The following EDA variants were observed in gnomAD, a reference collection of about 807,000 sequenced individuals.
The protein encoded by EDA is ectodysplasin-A.
A neutral mutation model predicts 23.6 loss-of-function variants in EDA; 2 were observed. The observed-to-expected ratio is 0.08, with a 90% CI of 0.03 to 0.27. The LOEUF is 0.27. EDA is among the 10% of genes least tolerant of loss of function. The pLI, the probability that EDA is intolerant of heterozygous loss-of-function variation, is 1.00. For missense variants in EDA, 229 were observed against 324.2 expected (o/e 0.71, Z 2.26); for synonymous variants, 131 against 132.0 (o/e 0.99, Z 0.05).
At chrX:69,838,023 C>T (rs945991767) in intron 1 of EDA, among the ~76,000 whole-genome samples, 1 of 112,287 alleles carries the variant, frequency 8.9e-6, no homozygotes, top group African/African-American at 3.2e-5. Context: ...CTTTTCTCTG[C>T]CACGATGTCT....
chrX:70,015,111 T>G (rs753290335), intron 2 of EDA, among the ~76,000 whole-genome samples: 1 of 111,247 alleles, frequency 9.0e-6, no homozygotes, highest in East Asian at 2.8e-4. Context: ...CCAAGACACA[T>G]AGTCATCAGA....
chrX:69,651,776 A>C (rs1933114652), intron 1 of EDA, among the ~76,000 whole-genome samples: 1 of 110,870 alleles, frequency 9.0e-6, no homozygotes, highest in Admixed American at 9.7e-5. Flanking sequence ...AAAAATATAA[A>C]GTCTTTGAAA....
At chrX:69,632,779 G>A (rs1312941437) in intron 1 of EDA, among the ~76,000 whole-genome samples, 1 of 111,969 alleles carries the variant, frequency 8.9e-6, no homozygotes, top group Non-Finnish European at 1.9e-5. Flanking sequence ...TGTCTCCATA[G>A]AGGAAATGTG....
intron 1 of EDA, among the ~76,000 whole-genome samples, chrX:69,724,784 A>C (rs1024413056): frequency 3.6e-5 from 4 of 112,206 alleles, no homozygotes; most frequent in Non-Finnish European, 5.6e-5. Flanking sequence ...CTAGGCATTT[A>C]ATGTACTGTT....
At chrX:69,618,072 G>A (rs376397427) in intron 1 of EDA, among the ~76,000 whole-genome samples, 1 of 111,710 alleles carries the variant, frequency 9.0e-6, no homozygotes, top group African/African-American at 3.3e-5. Flanking sequence ...GTAGCTAAAC[G>A]ATAATTAACT....
intron 2 of EDA, among the ~76,000 whole-genome samples, chrX:70,006,861 G>T (rs188602628): frequency 4.1e-4 from 45 of 110,872 alleles, no homozygotes; most frequent in African/African-American, 1.5e-3. Context: ...AGGTCATCTA[G>T]ATTTCTCCTA....
At position 69,860,998 on chromosome X, in the gene EDA, A is replaced by G. The variant is rs1031788527; in HGVS notation, c.397-96029A>G. On this transcript the variant is annotated intron_variant, in intron 1 of 7. Coordinates refer to ENST00000374552, the MANE Select transcript of EDA (RefSeq NM_001399.5). ...ATCTAGTCAGCCATCTTCAATAATA[A>G]CTGTTAAATGAACATTTATATCCAC... 2.6e-5 allele frequency: 13 copies of G among 505,941 alleles called. 1 individual carries two copies. The South Asian group carries it at 3.2e-4, about 13-fold the overall frequency. 41.7% of individuals were successfully genotyped at this position (505,941 alleles called of 1,213,427 possible).
rs35090201 is a variant in EDA at position 69,667,119 on chromosome X, C to CTT, written c.396+50430_396+50431dup. On this transcript the variant is annotated intron_variant, in intron 1 of 7. Coordinates refer to ENST00000374552, the MANE Select transcript of EDA (RefSeq NM_001399.5). ...TCTCTTTTAATTTCTTTTTCTTTTT[C>CTT]TTTTTTTTTTTTTTTTGAAATGGAG... Among the ~76,000 whole-genome samples the CTT allele has an allele frequency of 5.0e-3, 435 of 86,360 alleles. 3 individuals are homozygous for CTT. Among genetic ancestry groups the CTT allele is most frequent in the African/African-American group, 0.015 (335 of 21,836 alleles). The allele number at this position is 86,360 out of a possible 115,157, so 75.0% of individuals were successfully genotyped here.
chrX:69,990,448 A>ATCTACTGTTTGGTAGCTATCTATT (rs1569395530), intron 2 of EDA, among the ~76,000 whole-genome samples: 1 of 111,201 alleles, frequency 9.0e-6, no homozygotes, highest in African/African-American at 3.3e-5. Context: ...ACTGATAGCT[A>ATCTACTGTTTGGTAGCTATCTATT]GACCAGTTCC....
chrX:69,881,192 TA>T (rs1159063104), intron 1 of EDA, among the ~76,000 whole-genome samples: 2 of 110,829 alleles, frequency 1.8e-5, no homozygotes, highest in Non-Finnish European at 1.9e-5. Context: ...ATTTTTGTTT[TA>T]ATTTTTTTTT....
At chrX:69,873,060 G>A (rs898981001) in intron 1 of EDA, among the ~76,000 whole-genome samples, 2 of 111,788 alleles carry the variant, frequency 1.8e-5, no homozygotes, top group Admixed American at 1.9e-4. Flanking sequence ...TCAGACCATA[G>A]TGGAATAAAA....
At chrX:69,810,756 C>A (rs867586264) in intron 1 of EDA, among the ~76,000 whole-genome samples, 40 of 85,238 alleles carry the variant, frequency 4.7e-4, no homozygotes, top group East Asian at 7.4e-4. Context: ...GACTCCATCT[C>A]AAAAAAAAAA....
At chrX:69,894,214 T>A (rs1227462933) in intron 1 of EDA, among the ~76,000 whole-genome samples, 1 of 111,244 alleles carries the variant, frequency 9.0e-6, no homozygotes, top group African/African-American at 3.3e-5. Context: ...CAGATGGTTG[T>A]AGGGGACGGC....
At chrX:69,805,635 A>G (rs909531133) in intron 1 of EDA, among the ~76,000 whole-genome samples, 2 of 111,590 alleles carry the variant, frequency 1.8e-5, no homozygotes, top group Non-Finnish European at 3.8e-5. Flanking sequence ...AATTTACTGC[A>G]GCAATTAACA....
At chrX:69,733,546 G>T (rs1343532854) in intron 1 of EDA, among the ~76,000 whole-genome samples, 1 of 111,975 alleles carries the variant, frequency 8.9e-6, no homozygotes, top group African/African-American at 3.2e-5. Flanking sequence ...GATGCCTCCA[G>T]CTTTGTTCTT....
intron 1 of EDA, among the ~76,000 whole-genome samples, chrX:69,882,035 T>C (rs1049565015): frequency 9.0e-6 from 1 of 111,419 alleles, no homozygotes; most frequent in Admixed American, 9.5e-5. Context: ...GAACATGAGG[T>C]TTGGAGGGGA....
rs1353893059 is a variant in EDA, at chrX:69,883,232, A to G, written c.397-73795A>G. On this transcript the variant is annotated intron_variant, in intron 1 of 7. Coordinates refer to ENST00000374552, the MANE Select transcript of EDA (RefSeq NM_001399.5). ...TTCTGATGCATGTCTTTCAAGCCCA[A>G]TGCCTACTGTGTCCCAACCACCTCT... Among the ~76,000 whole-genome samples the G allele has an allele frequency of 4.5e-5, 5 of 111,899 alleles. No individual in the cohort carries two copies. The South Asian group carries it at 1.9e-3, about 42-fold the overall frequency.
chrX:69,736,305 C>CA (rs1057225283), intron 1 of EDA, among the ~76,000 whole-genome samples: 39 of 107,804 alleles, frequency 3.6e-4, no homozygotes, highest in East Asian at 3.0e-4. Flanking sequence ...AACTCCGTCT[C>CA]AAAAAAAAAG....
At chrX:69,697,238 G>A (rs764572176) in intron 1 of EDA, among the ~76,000 whole-genome samples, 154 of 111,494 alleles carry the variant, frequency 1.4e-3, no homozygotes, top group African/African-American at 4.9e-3. Flanking sequence ...ACTGCTACGC[G>A]GTACCCTGAC....
Sources: gnomAD v4.1 joint callset for allele counts (sites outside exome capture counted in the v4.1 genomes callset) on GRCh38, gnomAD v4.1.1 for gene constraint, MANE v1.5 for transcripts, NCBI Gene and HGNC (gene_info 2026-07-23, HGNC 2026-07-21) for gene names.